The following ACYP2 variants were observed in gnomAD, a reference collection of about 807,000 sequenced individuals.
ACYP2 encodes the protein acylphosphatase-2.
In ACYP2, 12 loss-of-function variants were observed where a neutral mutation model predicts 11.2. The ratio of observed to expected loss-of-function variants is 1.08; its 90% CI spans 0.69 to 1.74. The LOEUF (loss-of-function observed/expected upper bound fraction) is 1.74. ACYP2 is among the 40% of genes most tolerant of loss of function. ACYP2 has a pLI of 0.00. For synonymous variants in ACYP2, 43 were observed against 32.2 expected, an observed-to-expected ratio of 1.33 and a Z score of -1.13; for missense variants, 134 against 101.9, an observed-to-expected ratio of 1.31 and a Z score of -1.35.
At chr2:54,168,497 A>G (rs1263746422) in intron 6 of ACYP2, among the ~76,000 whole-genome samples, 3 of 152,168 alleles carry the variant, frequency 2.0e-5, no homozygotes, top group African/African-American at 7.2e-5. Context: ...CAAATGTCCA[A>G]TAAAGGAAAA....
At chr2:54,262,707 C>CTT (rs60039797) in intron 6 of ACYP2, among the ~76,000 whole-genome samples, 65,487 of 151,438 alleles carry the variant, frequency 0.43, 14,376 homozygotes, top group South Asian at 0.56. Flanking sequence ...GATAATCTCT[C>CTT]TGTGATTACT....
chr2:54,183,510 C>T (rs1053587853), intron 6 of ACYP2, among the ~76,000 whole-genome samples: 1 of 150,146 alleles, frequency 6.7e-6, no homozygotes, highest in Non-Finnish European at 1.5e-5. Flanking sequence ...TCAGCCTGGG[C>T]GACAGAGCGA....
intron 6 of ACYP2, chr2:54,253,884 CAA>C (rs1224728689): frequency 6.6e-6 from 1 of 152,114 alleles, no homozygotes; most frequent in African/African-American, 2.4e-5. Flanking sequence ...CTGGACATGA[CAA>C]AGAGAGCCAA....
chr2:54,047,542 T>C (rs913329171), intron 2 of ACYP2, among the ~76,000 whole-genome samples: 1 of 152,214 alleles, frequency 6.6e-6, no homozygotes, highest in African/African-American at 2.4e-5. Flanking sequence ...GACTACATAC[T>C]AATTACCACC....
At chr2:54,187,815 G>C in intron 6 of ACYP2, among the ~76,000 whole-genome samples, 1 of 152,166 alleles carries the variant, frequency 6.6e-6, no homozygotes, top group East Asian at 1.9e-4. Context: ...TCATGTGTTG[G>C]AAACTGAATC....
intron 4 of ACYP2, among the ~76,000 whole-genome samples, chr2:54,105,831 C>A (rs1465155004): frequency 6.6e-6 from 1 of 152,034 alleles, no homozygotes; most frequent in Non-Finnish European, 1.5e-5. Flanking sequence ...TCCCCAGCAC[C>A]TACACATGGC....
intron 4 of ACYP2, among the ~76,000 whole-genome samples, chr2:54,100,396 C>T (rs538422881): frequency 6.6e-6 from 1 of 150,936 alleles, no homozygotes; most frequent in East Asian, 2.0e-4. Context: ...TCAACCTCTG[C>T]GGCCCAAGTG....
intron 3 of ACYP2, among the ~76,000 whole-genome samples, chr2:54,055,316 A>G (rs961259084): frequency 6.6e-6 from 1 of 152,050 alleles, no homozygotes; most frequent in African/African-American, 2.4e-5. Flanking sequence ...GATTACAGGC[A>G]CCCAGCCTGG....
intron 4 of ACYP2, among the ~76,000 whole-genome samples, chr2:54,113,755 G>A (rs1679583194): frequency 6.6e-6 from 1 of 152,122 alleles, no homozygotes; most frequent in Non-Finnish European, 1.5e-5. Context: ...CAAGAGAAGA[G>A]GTTCTTTGTT....
chr2:54,215,839 G>A (rs1209947844), intron 6 of ACYP2, among the ~76,000 whole-genome samples: 1 of 152,034 alleles, frequency 6.6e-6, no homozygotes, highest in Non-Finnish European at 1.5e-5. Context: ...AGCTTATACT[G>A]ATGAAAATTA....
intron 2 of ACYP2, among the ~76,000 whole-genome samples, chr2:54,038,749 A>T (rs1675051228): frequency 7.1e-6 from 1 of 140,648 alleles, no homozygotes; most frequent in Non-Finnish European, 1.5e-5. Flanking sequence ...ATGAAAAAAG[A>T]TGAAAAAACC....
In ACYP2 at chr2:54,201,584, TTCTTTCTTTC is replaced by T. The variant is rs1291732062; in HGVS notation, c.404+62848_404+62857del. Among the ~76,000 whole-genome samples, 20 of 96,296 alleles carry T rather than the reference TTCTTTCTTTC, an allele frequency of 2.1e-4. 1 individual carries two copies. The highest frequency in any genetic ancestry group is 6.9e-4 in the African/African-American group (18 of 26,216). The allele number at this position is 96,296 out of a possible 152,430, so 63.2% of individuals were successfully genotyped here. A position where few individuals can be genotyped will look rare whatever the true frequency, so the allele number is the denominator to read the frequency against. ...AAATTGGATGATAGCCAGCTTCTTT[TTCTTTCTTTC>T]TCTTTCTTTCTTTCTTTCTTTCTTT... is the stretch of plus-strand genomic sequence containing the variant. On this transcript the variant is annotated intron_variant, in intron 6 of 6. Coordinates refer to ENST00000607452, the MANE Select transcript of ACYP2 (RefSeq NM_001320586.2).
At chr2:54,219,476 G>A (rs1403908829) in intron 6 of ACYP2, among the ~76,000 whole-genome samples, 8 of 152,072 alleles carry the variant, frequency 5.3e-5, no homozygotes, top group Non-Finnish European at 1.2e-4. Context: ...TCTAATGCAG[G>A]TTTCTGAAAA....
intron 2 of ACYP2, among the ~76,000 whole-genome samples, chr2:54,017,729 T>C (rs1444561600): frequency 6.6e-6 from 1 of 152,226 alleles, no homozygotes; most frequent in Non-Finnish European, 1.5e-5. Flanking sequence ...TCTTGTATTA[T>C]TGGTCCTTGA....
At chr2:54,096,472 C>G (rs62137973) in intron 4 of ACYP2, among the ~76,000 whole-genome samples, 1 of 151,704 alleles carries the variant, frequency 6.6e-6, no homozygotes, top group Admixed American at 6.6e-5. Context: ...TTTGGGAGGC[C>G]AAGGCAGGCG....
chr2:54,112,221 G>A (rs190166293), intron 4 of ACYP2, among the ~76,000 whole-genome samples: 2 of 152,022 alleles, frequency 1.3e-5, no homozygotes, highest in Non-Finnish European at 2.9e-5. Flanking sequence ...TGTCTTAAAG[G>A]GTTCAAAGAA....
intron 6 of ACYP2, among the ~76,000 whole-genome samples, chr2:54,276,241 A>G (rs1448835339): frequency 6.6e-6 from 1 of 151,934 alleles, no homozygotes; most frequent in East Asian, 1.9e-4. Context: ...CCCTCTGGCC[A>G]TTGTCCCAAT....
At chr2:54,127,618 T>A (rs963523728) in intron 4 of ACYP2, among the ~76,000 whole-genome samples, 29 of 151,882 alleles carry the variant, frequency 1.9e-4, no homozygotes, top group African/African-American at 6.8e-4. Context: ...TGTGGTGGCA[T>A]GCACCTGTAG....
At chr2:54,127,099 CTTTT>C (rs34900505) in intron 4 of ACYP2, among the ~76,000 whole-genome samples, 5 of 131,144 alleles carry the variant, frequency 3.8e-5, no homozygotes, top group Non-Finnish European at 8.1e-5. Context: ...TGAATAGCTG[CTTTT>C]TTTTTTTTTT....
Sources: allele counts gnomAD v4.1 joint callset (sites outside exome capture counted in the v4.1 genomes callset), GRCh38; gene constraint gnomAD v4.1.1; transcripts MANE v1.5; gene names NCBI Gene and HGNC (gene_info 2026-07-23, HGNC 2026-07-21).